IMMT: variants seen among roughly 807,000 people sequenced by gnomAD.
The protein encoded by IMMT is MICOS complex subunit MIC60.
A neutral mutation model predicts 92.7 loss-of-function variants in IMMT; 40 were observed. That is an observed-to-expected ratio of 0.43 (90% CI 0.34 to 0.56). The LOEUF is 0.56. IMMT is among the 20% of genes least tolerant of loss of function. The probability of loss-of-function intolerance (pLI) is 0.03; values close to 1 mark genes in which losing one functional copy is unlikely to be tolerated. For missense variants in IMMT, 831 were observed against 912.1 expected (o/e 0.91, Z 1.14); for synonymous variants, 322 against 336.1 (o/e 0.96, Z 0.46).
chr2:86,166,476 C>A (rs1348083689), intron 7 of IMMT, 32 bp downstream of exon 7: 4 of 1,575,106 alleles, frequency 2.5e-6, no homozygotes, highest in Non-Finnish European at 3.5e-6. Context: ...GTCATGACAG[C>A]CAGAACACTT....
intron 1 of IMMT, among the ~76,000 whole-genome samples, chr2:86,185,853 G>C (rs1342600996): frequency 1.3e-5 from 2 of 152,314 alleles, no homozygotes; most frequent in East Asian, 3.9e-4. Flanking sequence ...AATAATTCAA[G>C]TGTAAAACCA....
intron 8 of IMMT, among the ~76,000 whole-genome samples, chr2:86,160,571 T>C (rs1676196446): frequency 6.6e-6 from 1 of 152,200 alleles, no homozygotes; most frequent in African/African-American, 2.4e-5. Context: ...ATCAGAAGAC[T>C]TCCTTCTCTA....
At chr2:86,184,297 A>T (rs1558839173) in intron 1 of IMMT, among the ~76,000 whole-genome samples, 1 of 152,070 alleles carries the variant, frequency 6.6e-6, no homozygotes, top group Non-Finnish European at 1.5e-5. Context: ...CAGCCCCCTG[A>T]GTAGCTGGGA....
In IMMT at chr2:86,147,711, T is replaced by A. The variant is rs1384376467; in HGVS notation, c.1524A>T (p.Glu508Asp). The A allele has an allele frequency of 6.2e-7, 1 of 1,613,064 alleles. No homozygotes were observed. The highest frequency in any genetic ancestry group is 1.3e-5 in the African/African-American group (1 of 74,892). The change falls in exon 13 of 15, where the codon GAA becomes GAT. Residue 508 changes from glutamate to aspartate, a missense_variant. Glu to Asp is a conservative substitution (Grantham distance 45). Coordinates refer to ENST00000410111, the MANE Select transcript of IMMT (RefSeq NM_006839.3). ...LRVQEQELKS[E>D]FEQNLSEKLS... is the part of the protein sequence containing the mutation. ...GAGTCCAGGTCCTCACCTGCTCAAA[T>A]TCAGACTTCAATTCCTGTTCTTGTA...
In IMMT at chr2:86,171,254, A is replaced by G. The variant is rs11537825; in HGVS notation, c.513T>C (p.Thr171=). The change falls in exon 5 of 15, where the codon ACT becomes ACC. Residue 171 remains threonine, a synonymous_variant. Transcript: ENST00000410111. ...PAVQPEESLK[T]DHPEIGEGKP... is the part of the protein sequence containing the mutation. The stretch of plus-strand genomic sequence containing the variant: ...TTCCTTCACCAATTTCAGGGTGATC[A>G]GTTTTTAAAGATTCCTCAGGCTGAA... 6.3e-3 allele frequency: 10,044 copies of G among 1,605,438 alleles called. 36 individuals carry two copies. The highest frequency in any genetic ancestry group is 7.7e-3 in the Admixed American group (455 of 58,830).
At chr2:86,157,742 C>G (rs922261226) in intron 10 of IMMT, among the ~76,000 whole-genome samples, 1 of 145,422 alleles carries the variant, frequency 6.9e-6, no homozygotes, top group Non-Finnish European at 1.5e-5. Flanking sequence ...GAGCCAAGAT[C>G]GCGCCATTGC....
intron 3 of IMMT, among the ~76,000 whole-genome samples, chr2:86,174,240 A>G (rs1279475216): frequency 7.2e-5 from 11 of 152,246 alleles, no homozygotes; most frequent in Admixed American, 7.2e-4. Context: ...ATCAATTTGT[A>G]AGCAAGGCTT....
intron 14 of IMMT, 112 bp from the exon 15 acceptor site, chr2:86,144,993 C>CAG: frequency 7.8e-7 from 1 of 1,279,062 alleles, no homozygotes; most frequent in East Asian, 2.4e-5. Flanking sequence ...AAGATGAGGC[C>CAG]AGAGAGACTT....
At chr2:86,180,038 T>C (rs950883059) in intron 2 of IMMT, among the ~76,000 whole-genome samples, 1 of 151,746 alleles carries the variant, frequency 6.6e-6, no homozygotes, top group Non-Finnish European at 1.5e-5. Context: ...GATCATGCCA[T>C]TGCACTCCAG....
At chr2:86,181,180 G>A (rs1316642035) in intron 2 of IMMT, 119 bp downstream of exon 2, 4 of 638,238 alleles carry the variant, frequency 6.3e-6, no homozygotes, top group Non-Finnish European at 8.4e-6. Context: ...GCAAAGCTTC[G>A]GTGTATGTAC....
At chr2:86,192,691 A>G (rs908583073) in intron 1 of IMMT, among the ~76,000 whole-genome samples, 1 of 152,188 alleles carries the variant, frequency 6.6e-6, no homozygotes. Flanking sequence ...GGATGGGGTA[A>G]AGATATAGTG....
intron 1 of IMMT, among the ~76,000 whole-genome samples, chr2:86,193,485 C>A (rs1426739116): frequency 2.6e-5 from 4 of 151,714 alleles, no homozygotes; most frequent in East Asian, 1.9e-4. Flanking sequence ...TACGTTGATA[C>A]AATCAAATAC....
In IMMT at chr2:86,159,660, T is replaced by C; in HGVS notation, c.908A>G (p.Glu303Gly). Residue 303 changes from glutamate to glycine, a missense_variant, in exon 9 of 15, where the codon GAG (glutamate) becomes GGG (glycine). Transcript: ENST00000410111. ...DALLKAKEEL[E>G]KMKSVIENAK... is the part of the protein sequence containing the mutation. ...ATTTTCAATCACACTTTTCATCTTC[T>C]CTAACTCTTCTCTGGAAACCAACAA... is the stretch of plus-strand genomic sequence containing the variant. 5 of 1,559,836 alleles carry C rather than the reference T, an allele frequency of 3.2e-6. No homozygotes were observed. The highest frequency in any genetic ancestry group is 4.3e-6 in the Non-Finnish European group (5 of 1,161,426).
chr2:86,160,255 G>A (rs1452445785), intron 8 of IMMT, among the ~76,000 whole-genome samples: 2 of 152,158 alleles, frequency 1.3e-5, no homozygotes, highest in South Asian at 2.1e-4. Context: ...ACATGCTTTC[G>A]TGTAAGGAAC....
At chr2:86,152,116 C>T (rs1442702151) in intron 11 of IMMT, among the ~76,000 whole-genome samples, 2 of 151,898 alleles carry the variant, frequency 1.3e-5, no homozygotes, top group Non-Finnish European at 2.9e-5. Flanking sequence ...AATCTCAATC[C>T]AAAAATGTAG....
At chr2:86,172,116 T>C (rs781774714) in intron 4 of IMMT, among the ~76,000 whole-genome samples, 21 of 151,914 alleles carry the variant, frequency 1.4e-4, no homozygotes, top group Non-Finnish European at 1.8e-4. Context: ...TATACGTGTA[T>C]ACCACCACAC....
rs1353665552 is a variant in IMMT at position 86,195,352 on chromosome 2, T to G, written c.31A>C (p.Thr11Pro). ...CCAGTGCTCACCTGGGCGGCGGCGG[T>G]CACACCCGATAACTGACAGGCCCGC... MLRACQLSGV[T>P]AAAQSCLCGK... The change falls in exon 1 of 15, where the codon ACC (threonine) becomes CCC (proline). Residue 11 changes from threonine (T) to proline (P), a missense_variant. Physicochemically the swap from Thr to Pro is conservative, Grantham distance 38. Transcript: ENST00000410111. 12 of 1,549,726 alleles carry G rather than the reference T, an allele frequency of 7.7e-6. No individual in the cohort carries two copies. The East Asian group carries it at 2.9e-4, about 38-fold the overall frequency.
At chr2:86,148,606 C>A (rs547034744) in intron 12 of IMMT, among the ~76,000 whole-genome samples, 53 of 152,080 alleles carry the variant, frequency 3.5e-4, no homozygotes, top group African/African-American at 1.3e-3. Context: ...AGCAAGACTC[C>A]ATCTCAAAAA....
chr2:86,149,151 C>G (rs1675274476), intron 12 of IMMT, among the ~76,000 whole-genome samples: 1 of 152,196 alleles, frequency 6.6e-6, no homozygotes, highest in South Asian at 2.1e-4. Flanking sequence ...GAAAGTAATA[C>G]AGAGACTCTA....
Sources: gnomAD v4.1 joint callset for allele counts (sites outside exome capture counted in the v4.1 genomes callset) on GRCh38, gnomAD v4.1.1 for gene constraint, MANE v1.5 for transcripts, NCBI Gene and HGNC (gene_info 2026-07-23, HGNC 2026-07-21) for gene names.